The following ANKFY1 variants were observed in gnomAD, a reference collection of about 807,000 sequenced individuals.
ANKFY1 encodes the protein ankyrin repeat and FYVE domain-containing protein 1.
In ANKFY1, 47 loss-of-function variants were observed where a neutral mutation model predicts 128.3. The ratio of observed to expected loss-of-function variants is 0.37; its 90% CI spans 0.29 to 0.47. The LOEUF (loss-of-function observed/expected upper bound fraction) is 0.47. Among genes scored for constraint, ANKFY1 ranks in the 20% least tolerant of loss-of-function variants. ANKFY1 has a pLI of 1.00. For synonymous variants in ANKFY1, 553 were observed against 601.6 expected (o/e 0.92, Z 1.18); for missense variants, 1,222 against 1,510.6 (o/e 0.81, Z 3.17).
At chr17:4,190,735 T>G (rs1358750477) in intron 10 of ANKFY1, among the ~76,000 whole-genome samples, 1 of 152,188 alleles carries the variant, frequency 6.6e-6, no homozygotes, top group African/African-American at 2.4e-5. Flanking sequence ...AAAACAGTGT[T>G]TCTCAGCTTT....
chr17:4,183,970 G>A (rs756862717), intron 12 of ANKFY1, 60 bp from the exon 13 acceptor site: 6 of 1,450,936 alleles, frequency 4.1e-6, no homozygotes, highest in South Asian at 1.1e-5. Flanking sequence ...CACACTTAAA[G>A]CTTCAGTAGA....
In ANKFY1 at chr17:4,190,713, G is replaced by C. The variant is rs181999968; in HGVS notation, c.1373-1234C>G. On this transcript the variant is annotated intron_variant, in intron 10 of 24. Coordinates refer to ENST00000341657, the MANE Select transcript of ANKFY1 (RefSeq NM_001330063.2). ...AATGAGTTTTTTTTTCTCTCTAAAT[G>C]GTTTTAGCCCTAAAACAGTGTTTCT... Among the ~76,000 whole-genome samples the C allele has an allele frequency of 5.0e-3, 752 of 151,850 alleles. 5 individuals are homozygous for C. The highest frequency in any genetic ancestry group is 0.018 in the African/African-American group (732 of 41,408).
Position 4,169,140 on chromosome 17 carries a change from G to T in ANKFY1, c.3377+58C>A, listed in dbSNP as rs1251532644. On this transcript the variant is annotated intron_variant, in intron 24 of 24. Transcript: ENST00000341657. This position sits in a 1 kb window ranked among gnomAD's most constrained non-coding sequence, Gnocchi z 5.0. ...TCACGGCCTGTCCTGGAGAAGGGGG[G>T]AAGCAATGACATCAGCGGCAGTCCC... The T allele has an allele frequency of 6.8e-7, 1 of 1,463,786 alleles. No individual in the cohort carries two copies. The highest frequency in any genetic ancestry group is 2.5e-5 in the East Asian group (1 of 40,090). 90.7% of individuals were successfully genotyped at this position (1,463,786 alleles called of 1,614,324 possible). A position where few individuals can be genotyped will look rare whatever the true frequency, so the allele number is the denominator to read the frequency against.
chr17:4,208,829 C>A (rs752334904), intron 5 of ANKFY1, among the ~76,000 whole-genome samples: 11 of 152,092 alleles, frequency 7.2e-5, no homozygotes, highest in Non-Finnish European at 1.5e-4. Context: ...CCGAGGTGGG[C>A]GGATCGATCA....
At chr17:4,194,644 G>A (rs941176259) in intron 10 of ANKFY1, 6 of 322,528 alleles carry the variant, frequency 1.9e-5, no homozygotes, top group Non-Finnish European at 3.5e-5. Flanking sequence ...GTCTAATATG[G>A]TAAATACTGA....
At position 4,189,437 on chromosome 17, in the gene ANKFY1, G is replaced by C. The variant is rs761620410; in HGVS notation, c.1415C>G (p.Ala472Gly). ...LQRAAGAGNEAAALFLATNGA... is the reference protein window; with the variant it reads ...LQRAAGAGNEGAALFLATNGA... Reference sequence around the variant, plus strand: ...GTTGGTTGCCAGGAAAAGAGCTGCTGCCTCGTTTCCTGCTCCAGCTGCCCG... The same window carrying C: ...GTTGGTTGCCAGGAAAAGAGCTGCTCCCTCGTTTCCTGCTCCAGCTGCCCG... The change falls in exon 11 of 25, where the codon GCA becomes GGA. Residue 472 changes from alanine to glycine, a missense_variant. Physicochemically the swap from Ala to Gly is moderately conservative, Grantham distance 60. Coordinates refer to ENST00000341657, the MANE Select transcript of ANKFY1 (RefSeq NM_001330063.2). 5.0e-6 allele frequency: 8 copies of C among 1,593,326 alleles called. No individual in the cohort carries two copies. The Middle Eastern group carries it at 6.6e-4, about 132-fold the overall frequency.
chr17:4,247,368 C>T (rs1239489906), intron 1 of ANKFY1, among the ~76,000 whole-genome samples: 9 of 152,138 alleles, frequency 5.9e-5, no homozygotes, highest in Admixed American at 3.3e-4. Flanking sequence ...TGGACAATGA[C>T]ACAAGATATA....
intron 7 of ANKFY1, among the ~76,000 whole-genome samples, chr17:4,205,961 G>T (rs1275170642): frequency 6.6e-6 from 1 of 152,210 alleles, no homozygotes; most frequent in Non-Finnish European, 1.5e-5. Context: ...TACTATCCTT[G>T]TATCTGTGGT....
At chr17:4,173,847 C>T in intron 20 of ANKFY1, 62 bp downstream of exon 20, 2 of 1,560,552 alleles carry the variant, frequency 1.3e-6, no homozygotes, top group Non-Finnish European at 1.7e-6. Flanking sequence ...CAAGGGTGCA[C>T]TGCACCCCCA....
At chr17:4,201,761 TAC>T (rs1171912082) in intron 7 of ANKFY1, among the ~76,000 whole-genome samples, 2 of 152,128 alleles carry the variant, frequency 1.3e-5, no homozygotes, top group Non-Finnish European at 1.5e-5. Flanking sequence ...TTCTTCACAG[TAC>T]AGAGGCAGTA....
In ANKFY1 at chr17:4,183,440, C is replaced by T. The variant is rs200524118; in HGVS notation, c.1910G>A (p.Ser637Asn). 3.1e-6 allele frequency: 5 copies of T among 1,613,918 alleles called. No individual in the cohort carries two copies. The highest frequency in any genetic ancestry group is 2.2e-5 in the East Asian group (1 of 44,892). The change falls in exon 14 of 25, where the codon AGC becomes AAC. Residue 637 changes from serine (S) to asparagine (N), a missense_variant. Coordinates refer to ENST00000341657, the MANE Select transcript of ANKFY1 (RefSeq NM_001330063.2). ...CTGGTGCTCCAGCAGGAAGAGTGCG[C>T]TCTTGCTGTCCTGCCGCTGTATGGC... Reference protein sequence around the residue: ...HMAIQRQDSKSALFLLEHQAD... With the variant: ...HMAIQRQDSKNALFLLEHQAD...
intron 1 of ANKFY1, among the ~76,000 whole-genome samples, chr17:4,256,504 G>A (rs1968136111): frequency 6.6e-6 from 1 of 152,162 alleles, no homozygotes; most frequent in East Asian, 1.9e-4. Flanking sequence ...AATGGAACGA[G>A]GGAGAGAGGA....
intron 10 of ANKFY1, among the ~76,000 whole-genome samples, chr17:4,189,798 C>T (rs558250667): frequency 3.9e-5 from 6 of 152,332 alleles, no homozygotes; most frequent in African/African-American, 7.2e-5. Flanking sequence ...AGTAAGCCCA[C>T]GCCAGACAGT....
At chr17:4,180,050 G>A (rs1289367083) in intron 16 of ANKFY1, 173 bp from the exon 17 acceptor site, 3 of 784,000 alleles carry the variant, frequency 3.8e-6, no homozygotes, top group African/African-American at 1.7e-5. Flanking sequence ...CACTCCCATA[G>A]ATTCTTCTGT....
chr17:4,173,246 C>A, intron 21 of ANKFY1, 108 bp downstream of exon 21: 7 of 976,842 alleles, frequency 7.2e-6, no homozygotes, highest in Admixed American at 1.9e-5. Context: ...GGTGCCCCAG[C>A]GGCCGGTTTT....
At chr17:4,183,954 G>C in intron 12 of ANKFY1, 44 bp from the exon 13 acceptor site, 1 of 1,523,886 alleles carries the variant, frequency 6.6e-7, no homozygotes, top group Non-Finnish European at 9.1e-7. Flanking sequence ...GTCACCATCT[G>C]TGGATCACAC....
At chr17:4,217,270 C>T (rs1345636909) in intron 3 of ANKFY1, 152 bp from the exon 4 acceptor site, 9 of 870,984 alleles carry the variant, frequency 1.0e-5, no homozygotes, top group African/African-American at 3.4e-5. Context: ...GGGACTCGGC[C>T]GGGTGCAGTG....
rs79152577 is a variant in ANKFY1 at position 4,195,215 on chromosome 17, T to C, written c.1173-38A>G. On this transcript the variant is annotated intron_variant, in intron 9 of 24. Coordinates refer to ENST00000341657, the MANE Select transcript of ANKFY1 (RefSeq NM_001330063.2). The stretch of plus-strand genomic sequence containing the variant: ...AGCAGTGTCAACAGCACATACAATC[T>C]TTTTGAGACACTCTATACTGACAAC... 9.4e-4 allele frequency: 1,467 copies of C among 1,557,830 alleles called. 11 individuals carry two copies. In the African/African-American group the frequency reaches 0.018, roughly 19 times the overall value.
At chr17:4,207,906 G>A in intron 6 of ANKFY1, 27 bp downstream of exon 6, 3 of 1,546,814 alleles carry the variant, frequency 1.9e-6, no homozygotes, top group Non-Finnish European at 2.6e-6. Context: ...TTCGGGAAAT[G>A]AAGAATGGAA....
Sources: gnomAD v4.1 joint callset for allele counts (sites outside exome capture counted in the v4.1 genomes callset) on GRCh38, gnomAD v4.1.1 for gene constraint, Gnocchi (gnomAD v3.1) non-coding constraint, MANE v1.5 for transcripts, NCBI Gene and HGNC (gene_info 2026-07-23, HGNC 2026-07-21) for gene names.